NSD1: variants seen among roughly 807,000 people sequenced by gnomAD.
NSD1 encodes the protein nuclear receptor binding SET domain protein 1.
Under a neutral mutation model 242.7 loss-of-function variants are expected in NSD1, and 26 were observed. The observed-to-expected ratio is 0.11, with a 90% confidence interval of 0.08 to 0.15. NSD1 has a LOEUF of 0.15. NSD1 is among the 10% of genes least tolerant of loss of function. The probability of loss-of-function intolerance (pLI) is 1.00; values close to 1 mark genes in which losing one functional copy is unlikely to be tolerated. For synonymous variants in NSD1, 1,106 were observed against 1,178.1 expected (o/e 0.94, Z 1.25); for missense variants, 2,495 against 3,272.8 (o/e 0.76, Z 5.80).
intron 5 of NSD1, among the ~76,000 whole-genome samples, chr5:177,214,211 A>G (rs896650344): frequency 1.3e-5 from 2 of 152,116 alleles, no homozygotes; most frequent in Non-Finnish European, 2.9e-5. Flanking sequence ...GCGCTCCTGT[A>G]ATACCAGCCA....
intron 8 of NSD1, among the ~76,000 whole-genome samples, chr5:177,240,372 A>AT (rs913007362): frequency 1.1e-4 from 17 of 148,376 alleles, no homozygotes; most frequent in African/African-American, 1.7e-4. Flanking sequence ...CTGGGTATCA[A>AT]TTTTTTTTTT....
intron 16 of NSD1, among the ~76,000 whole-genome samples, chr5:177,272,407 A>C (rs1758015117): frequency 6.6e-6 from 1 of 152,126 alleles, no homozygotes; most frequent in African/African-American, 2.4e-5. Context: ...TGAAGAAAAA[A>C]GGATAGGTCA....
intron 3 of NSD1, among the ~76,000 whole-genome samples, chr5:177,196,408 A>G (rs1762105783): frequency 6.6e-6 from 1 of 152,166 alleles, no homozygotes; most frequent in Admixed American, 6.5e-5. Context: ...ATTATTAGTG[A>G]TTATGGTGTG....
At chr5:177,215,383 C>T (rs1009240132) in intron 5 of NSD1, among the ~76,000 whole-genome samples, 1 of 151,854 alleles carries the variant, frequency 6.6e-6, no homozygotes, top group Non-Finnish European at 1.5e-5. Context: ...ACCATGTTGG[C>T]CAGGCTGGTG....
At position 177,150,145 on chromosome 5, in the gene NSD1, T is replaced by C. The variant is rs371620261; in HGVS notation, c.927+14115T>C. 5.2e-4 allele frequency among the ~76,000 whole-genome samples: 79 copies of C among 152,004 alleles called. No individual in the cohort carries two copies. The East Asian group carries it at 0.013, about 24-fold the overall frequency. ...TTTTTAATTTTTATTTATTTATTTA[T>C]TTTTTTGAGATGGAGTCTCGCTCTG... is the stretch of plus-strand genomic sequence containing the variant. On this transcript the variant is annotated intron_variant, in intron 2 of 22. Coordinates refer to ENST00000439151, the MANE Select transcript of NSD1 (RefSeq NM_022455.5).
chr5:177,275,372 C>G (rs992946276), intron 17 of NSD1, among the ~76,000 whole-genome samples: 2 of 145,300 alleles, frequency 1.4e-5, no homozygotes, highest in African/African-American at 2.6e-5. Context: ...CGTAAGAAAT[C>G]TAAAGTGTGA....
chr5:177,227,811 A>G (rs1764746639), intron 5 of NSD1, among the ~76,000 whole-genome samples: 2 of 151,942 alleles, frequency 1.3e-5, no homozygotes, highest in Admixed American at 1.3e-4. Context: ...GGCCTAGCAC[A>G]GTGGCTCACA....
chr5:177,134,648 A>G lies in NSD1; in HGVS notation c.-17-439A>G, dbSNP rs1244295787. Reference sequence around the variant, plus strand: ...AGCGCTATTGTGACCGCTGCGCCCTAGCGAGCCAGGAAGGGGGGGGTACCT... The same window carrying G: ...AGCGCTATTGTGACCGCTGCGCCCTGGCGAGCCAGGAAGGGGGGGGTACCT... On this transcript the variant is annotated intron_variant, in intron 1 of 22. Transcript: ENST00000439151. This position sits in a 1 kb window ranked among gnomAD's most constrained non-coding sequence, Gnocchi z 4.2. 6.6e-5 allele frequency among the ~76,000 whole-genome samples: 10 copies of G among 152,166 alleles called. No individual in the cohort carries two copies. Among genetic ancestry groups the G allele is most frequent in the Admixed American group, 5.9e-4 (9 of 15,282 alleles).
Position 177,212,089 on chromosome 5 carries a change from T to C in NSD1, c.3690T>C (p.Ala1230=), listed in dbSNP as rs1763389600. 2.5e-6 allele frequency: 4 copies of C among 1,614,114 alleles called. No homozygotes were observed. In the South Asian group the frequency reaches 3.3e-5, roughly 13 times the overall value. The change falls in exon 5 of 23, where the codon GCT becomes GCC. Residue 1230 remains alanine (A), a synonymous_variant. Coordinates refer to ENST00000439151, the MANE Select transcript of NSD1 (RefSeq NM_022455.5). ...ATCATGCTGACTGCTTAGATTCAGCTGGGCCACGGTTAAATGTTTGTGATA... is the reference window on the plus strand; with the variant it reads ...ATCATGCTGACTGCTTAGATTCAGCCGGGCCACGGTTAAATGTTTGTGATA... The part of the protein sequence containing the change: ...EQNHADCLDS[A]GPRLNVCDKS...
chr5:177,144,191 GT>G (rs2149767741), intron 2 of NSD1, among the ~76,000 whole-genome samples: 1 of 152,012 alleles, frequency 6.6e-6, no homozygotes, highest in Non-Finnish European at 1.5e-5. Context: ...ATTTGAAAGA[GT>G]TGTGAATTTC....
chr5:177,138,319 G>T (rs921200384), intron 2 of NSD1, among the ~76,000 whole-genome samples: 1 of 151,962 alleles, frequency 6.6e-6, no homozygotes, highest in East Asian at 1.9e-4. Flanking sequence ...GTAGTGGCGC[G>T]ATCTCAGCTC....
chr5:177,265,667 GGCCGCAT>G lies in NSD1; in HGVS notation c.5147-1890_5147-1884del. The G allele has an allele frequency of 3.1e-6, 5 of 1,609,554 alleles. 1 individual carries two copies. The South Asian group carries it at 5.5e-5, about 18-fold the overall frequency. On this transcript the variant is annotated intron_variant, in intron 14 of 22. Transcript: ENST00000439151. ...GTCCCGGTCCCAGTTCTTGGCGTTG[GGCCGCAT>G]GCCGATGGTGCCGAAGATCTCCTCG...
chr5:177,163,093 C>T (rs944608639), intron 2 of NSD1, among the ~76,000 whole-genome samples: 1 of 151,968 alleles, frequency 6.6e-6, no homozygotes, highest in African/African-American at 2.4e-5. Flanking sequence ...TTAATTTCTC[C>T]CTCAGTTGAC....
intron 5 of NSD1, chr5:177,229,933 G>C (rs1217398650): frequency 5.9e-6 from 1 of 169,818 alleles, no homozygotes; most frequent in African/African-American, 2.4e-5. Context: ...TAGTAGAGAC[G>C]GAGCTTCACC....
At chr5:177,241,909 T>A (rs1581417994) in intron 8 of NSD1, among the ~76,000 whole-genome samples, 1 of 152,308 alleles carries the variant, frequency 6.6e-6, no homozygotes, top group Non-Finnish European at 1.5e-5. Context: ...GAGAGATTGA[T>A]CTGTTCTGGT....
Position 177,267,599 on chromosome 5 carries a change from T to A in NSD1, c.5184T>A (p.Ala1728=), listed in dbSNP as rs370987619. The A allele has an allele frequency of 5.6e-6, 9 of 1,614,174 alleles. No homozygotes were observed. The highest frequency in any genetic ancestry group is 7.6e-6 in the Non-Finnish European group (9 of 1,180,018). Residue 1728 remains alanine (A), a synonymous_variant, in exon 15 of 23, where the codon GCT becomes GCA. Coordinates refer to ENST00000439151, the MANE Select transcript of NSD1 (RefSeq NM_022455.5). ...SLLCCDSCPA[A]FHRECLNIDI... is the part of the protein sequence containing the mutation. ...TGTGCTGTGATTCTTGCCCTGCTGC[T>A]TTTCATCGTGAATGCCTGAACATTG...
At chr5:177,187,100 CTT>C (rs11285630) in intron 2 of NSD1, among the ~76,000 whole-genome samples, 104 of 76,516 alleles carry the variant, frequency 1.4e-3, no homozygotes, top group African/African-American at 2.6e-3. Context: ...TGTGACTTAA[CTT>C]TTTTTTTTTT....
At chr5:177,156,485 A>G (rs903780602) in intron 2 of NSD1, among the ~76,000 whole-genome samples, 2 of 151,924 alleles carry the variant, frequency 1.3e-5, no homozygotes, top group Non-Finnish European at 1.5e-5. Flanking sequence ...CCTTTTTTAG[A>G]TTTTTAAGAG....
chr5:177,273,642 T>C (rs1250462886), intron 16 of NSD1, 30 bp from the exon 17 acceptor site: 1 of 1,503,308 alleles, frequency 6.7e-7, no homozygotes, highest in Admixed American at 1.7e-5. Context: ...CCAGAGATTT[T>C]GAAGTGACTT....
Sources: gnomAD v4.1 joint callset for allele counts (sites outside exome capture counted in the v4.1 genomes callset) on GRCh38, gnomAD v4.1.1 for gene constraint, Gnocchi (gnomAD v3.1) non-coding constraint, MANE v1.5 for transcripts, NCBI Gene and HGNC (gene_info 2026-07-23, HGNC 2026-07-21) for gene names.